MYO5B: variants seen among roughly 807,000 people sequenced by gnomAD.
The protein encoded by MYO5B is unconventional myosin-Vb.
Under a neutral mutation model 229.3 loss-of-function variants are expected in MYO5B, and 143 were observed. The observed-to-expected ratio is 0.62, with a 90% CI of 0.54 to 0.72. The LOEUF (loss-of-function observed/expected upper bound fraction) is 0.72, where lower values mean the gene tolerates loss of function less well. Among genes scored for constraint, MYO5B ranks in the 30% least tolerant of loss-of-function variants. MYO5B has a pLI of 0.00. For missense variants in MYO5B, 2,321 were observed against 2,331.0 expected, an observed-to-expected ratio of 1.00 and a Z score of 0.09; for synonymous variants, 918 against 885.2, an observed-to-expected ratio of 1.04 and a Z score of -0.66.
At chr18:50,162,743 T>G (rs1011149979) in intron 1 of MYO5B, among the ~76,000 whole-genome samples, 2 of 152,230 alleles carry the variant, frequency 1.3e-5, no homozygotes, top group Non-Finnish European at 2.9e-5. Flanking sequence ...CTCTAAGTGC[T>G]GCACTGTGCC....
At chr18:49,940,964 T>C (rs759971566) in intron 14 of MYO5B, among the ~76,000 whole-genome samples, 1 of 152,262 alleles carries the variant, frequency 6.6e-6, no homozygotes, top group East Asian at 1.9e-4. Context: ...TTCTTAGTTA[T>C]TACAAAGTTC....
chr18:50,172,288 C>CAAAA (rs55973734), intron 1 of MYO5B, among the ~76,000 whole-genome samples: 3 of 90,504 alleles, frequency 3.3e-5, no homozygotes, highest in African/African-American at 7.9e-5. Flanking sequence ...CAAAAAAAGA[C>CAAAA]AAAAAAAAAA....
intron 35 of MYO5B, among the ~76,000 whole-genome samples, chr18:49,841,080 A>C (rs1012868504): frequency 4.6e-5 from 7 of 152,330 alleles, no homozygotes; most frequent in African/African-American, 1.4e-4. Context: ...AGTTTCATGG[A>C]GACTCCCAGG....
intron 27 of MYO5B, among the ~76,000 whole-genome samples, chr18:49,864,648 A>G (rs998433156): frequency 6.6e-6 from 1 of 152,240 alleles, no homozygotes; most frequent in African/African-American, 2.4e-5. Context: ...TCGTGTTGCT[A>G]AACATGTTTG....
At chr18:50,023,942 C>T (rs373011534) in intron 4 of MYO5B, among the ~76,000 whole-genome samples, 21 of 152,216 alleles carry the variant, frequency 1.4e-4, no homozygotes, top group Non-Finnish European at 2.2e-4. Flanking sequence ...AAAATCTTCA[C>T]TCTATGCACT....
In MYO5B at chr18:50,185,289, T is replaced by TAA. The variant is rs202116346; in HGVS notation, c.27+9476_27+9477dup. 4.7e-3 allele frequency among the ~76,000 whole-genome samples: 658 copies of TAA among 139,130 alleles called. 7 individuals carry two copies. Among genetic ancestry groups the TAA allele is most frequent in the African/African-American group, 0.015 (584 of 38,006 alleles). The allele number at this position is 139,130 out of a possible 152,430, so 91.3% of individuals were successfully genotyped here. The stretch of plus-strand genomic sequence containing the variant: ...AAAACATTTAGTATGAATAAGAATT[T>TAA]AAAAAAAAAAAAAGAGAGAGAGAGA... On this transcript the variant is annotated intron_variant, in intron 1 of 39. Coordinates refer to ENST00000285039, the MANE Select transcript of MYO5B (RefSeq NM_001080467.3).
chr18:50,043,526 A>C (rs2030122236), intron 2 of MYO5B, among the ~76,000 whole-genome samples: 1 of 113,236 alleles, frequency 8.8e-6, no homozygotes, highest in Non-Finnish European at 1.7e-5. Context: ...TAAGTATATA[A>C]ATATATTTTA....
At chr18:49,865,651 T>C (rs1213146411) in intron 27 of MYO5B, among the ~76,000 whole-genome samples, 1 of 152,092 alleles carries the variant, frequency 6.6e-6, no homozygotes, top group Non-Finnish European at 1.5e-5. Context: ...AGGTGTGGCT[T>C]AAGGGAGTGA....
intron 1 of MYO5B, among the ~76,000 whole-genome samples, chr18:50,062,302 A>C (rs2852103): frequency 0.73 from 110,100 of 151,758 alleles, 41,498 homozygotes; most frequent in Middle Eastern, 0.83. Flanking sequence ...GTCTGGGCAG[A>C]GTTCCCTGGG....
intron 4 of MYO5B, among the ~76,000 whole-genome samples, chr18:50,007,548 C>G (rs764549812): frequency 6.6e-6 from 1 of 152,182 alleles, no homozygotes; most frequent in African/African-American, 2.4e-5. Context: ...ACACCCACAT[C>G]TACTGTGTTC....
Position 49,992,448 on chromosome 18 carries a change from G to A in MYO5B, c.613-17C>T, listed in dbSNP as rs1411140311. Reference sequence around the variant, plus strand: ...TCCAATGGCCTGCACAGACCAGACAGACAAAGGTATGAAAAAAAAAGAGGG... The same window carrying A: ...TCCAATGGCCTGCACAGACCAGACAAACAAAGGTATGAAAAAAAAAGAGGG... On this transcript the variant is annotated splice_polypyrimidine_tract_variant and intron_variant, in intron 5 of 39. Transcript: ENST00000285039. 9.9e-6 allele frequency: 16 copies of A among 1,613,956 alleles called. No individual in the cohort carries two copies. The highest frequency in any genetic ancestry group is 1.2e-5 in the Non-Finnish European group (14 of 1,180,002).
chr18:49,980,698 C>T, intron 8 of MYO5B, 145 bp from the exon 9 acceptor site: 1 of 680,228 alleles, frequency 1.5e-6, no homozygotes, highest in East Asian at 2.8e-5. Context: ...CCAGGCTCCT[C>T]ACCAAGTAAT....
chr18:49,935,832 G>C (rs1179069800), intron 16 of MYO5B, among the ~76,000 whole-genome samples: 1 of 152,222 alleles, frequency 6.6e-6, no homozygotes, highest in African/African-American at 2.4e-5. Context: ...ATGGGAATGT[G>C]AGAAACAGGA....
chr18:50,168,042 C>T (rs2032877814), intron 1 of MYO5B, among the ~76,000 whole-genome samples: 1 of 152,172 alleles, frequency 6.6e-6, no homozygotes, highest in African/African-American at 2.4e-5. Flanking sequence ...TTATATTGCA[C>T]TTATATGAAG....
At chr18:49,984,490 C>T (rs1568058895) in intron 8 of MYO5B, among the ~76,000 whole-genome samples, 1 of 152,198 alleles carries the variant, frequency 6.6e-6, no homozygotes, top group African/African-American at 2.4e-5. Flanking sequence ...GGGAGAGGGA[C>T]TCTCATAACC....
chr18:50,157,329 C>A (rs1243790023), intron 1 of MYO5B, among the ~76,000 whole-genome samples: 1 of 152,216 alleles, frequency 6.6e-6, no homozygotes, highest in African/African-American at 2.4e-5. Flanking sequence ...TGGTCTCGAA[C>A]TCCTGACCTC....
chr18:50,063,845 G>C (rs1223027353), intron 1 of MYO5B: 1 of 152,170 alleles, frequency 6.6e-6, no homozygotes, highest in Non-Finnish European at 1.5e-5. Context: ...AGCTAATAAG[G>C]AATCGAGTCT....
intron 2 of MYO5B, among the ~76,000 whole-genome samples, chr18:50,041,796 T>G (rs188872575): frequency 4.9e-4 from 74 of 152,258 alleles, no homozygotes; most frequent in African/African-American, 1.7e-3. Context: ...AATTTAAAAC[T>G]TTAAACCTAT....
At chr18:49,963,420 AT>A (rs1568049864) in intron 10 of MYO5B, among the ~76,000 whole-genome samples, 4 of 151,170 alleles carry the variant, frequency 2.6e-5, no homozygotes, top group African/African-American at 7.3e-5. Flanking sequence ...TAATTAATTT[AT>A]TTATTTATTT....
Sources: allele counts gnomAD v4.1 joint callset (sites outside exome capture counted in the v4.1 genomes callset), GRCh38; gene constraint gnomAD v4.1.1; transcripts MANE v1.5; gene names NCBI Gene and HGNC (gene_info 2026-07-23, HGNC 2026-07-21).